The following ANTXR2 variants were observed in gnomAD, a reference collection of about 807,000 sequenced individuals.
ANTXR2 encodes ANTXR cell adhesion molecule 2, also known as anthrax toxin receptor 2.
A neutral mutation model predicts 73.7 loss-of-function variants in ANTXR2; 44 were observed. That is an observed-to-expected ratio of 0.60 (90% CI 0.47 to 0.77). ANTXR2 has a LOEUF of 0.77. ANTXR2 is among the 30% of genes least tolerant of loss of function. The pLI, the probability that ANTXR2 is intolerant of heterozygous loss-of-function variation, is 0.00. For synonymous variants in ANTXR2, 217 were observed against 205.9 expected (o/e 1.05, Z -0.46); for missense variants, 604 against 592.5 (o/e 1.02, Z -0.20).
chr4:79,934,857 CT>C, intron 16 of ANTXR2, among the ~76,000 whole-genome samples: 1 of 145,614 alleles, frequency 6.9e-6, no homozygotes, highest in East Asian at 2.1e-4. Flanking sequence ...AAAAAAAAAA[CT>C]GTCTACTCAG....
intron 16 of ANTXR2, among the ~76,000 whole-genome samples, chr4:79,962,968 T>C (rs1729200957): frequency 6.6e-6 from 1 of 152,056 alleles, no homozygotes; most frequent in Non-Finnish European, 1.5e-5. Context: ...ATCAATTGAG[T>C]GAAGGTTCCA....
intron 12 of ANTXR2, among the ~76,000 whole-genome samples, chr4:79,995,060 C>G (rs1265351501): frequency 6.6e-6 from 1 of 151,964 alleles, no homozygotes; most frequent in Admixed American, 6.6e-5. Flanking sequence ...AGTAGCCCAC[C>G]AACTCCCTGT....
At chr4:79,930,269 A>G (rs966493401) in intron 16 of ANTXR2, among the ~76,000 whole-genome samples, 10 of 152,192 alleles carry the variant, frequency 6.6e-5, no homozygotes, top group African/African-American at 2.4e-4. Context: ...GATGAATATA[A>G]GATATATTAG....
At chr4:79,966,134 AC>A (rs1729352827) in intron 16 of ANTXR2, among the ~76,000 whole-genome samples, 1 of 150,756 alleles carries the variant, frequency 6.6e-6, no homozygotes, top group African/African-American at 2.4e-5. Context: ...TTAGACACAC[AC>A]ACACACACAC....
intron 11 of ANTXR2, among the ~76,000 whole-genome samples, chr4:80,012,849 T>A (rs1180951309): frequency 6.6e-6 from 1 of 152,190 alleles, no homozygotes. Context: ...TACCTTCTAA[T>A]GTATTTGGAT....
chr4:79,952,433 G>A (rs1040502820), intron 16 of ANTXR2, among the ~76,000 whole-genome samples: 1 of 151,508 alleles, frequency 6.6e-6, no homozygotes, highest in African/African-American at 2.4e-5. Flanking sequence ...TTTTTCTCGA[G>A]AACCTGTTGA....
intron 6 of ANTXR2, among the ~76,000 whole-genome samples, chr4:80,054,720 A>C (rs1253112887): frequency 6.6e-6 from 1 of 151,618 alleles, no homozygotes; most frequent in East Asian, 1.9e-4. Context: ...AAACCCTCAA[A>C]TCTCATGAAA....
intron 3 of ANTXR2, among the ~76,000 whole-genome samples, chr4:80,062,600 T>C (rs1312566398): frequency 6.6e-6 from 1 of 152,190 alleles, no homozygotes; most frequent in Non-Finnish European, 1.5e-5. Flanking sequence ...CAGGAGTAAA[T>C]ACTTGCCTAA....
chr4:79,977,756 C>T (rs1729703157), intron 15 of ANTXR2, 55 bp from the exon 16 acceptor site: 31 of 1,464,996 alleles, frequency 2.1e-5, no homozygotes, highest in Non-Finnish European at 2.9e-5. Flanking sequence ...TCTCTATGTA[C>T]TGAATAAATG....
chr4:79,975,581 C>A (rs1729590604), intron 16 of ANTXR2, among the ~76,000 whole-genome samples: 1 of 152,170 alleles, frequency 6.6e-6, no homozygotes, highest in Non-Finnish European at 1.5e-5. Context: ...CAATACCCAG[C>A]ACTTAATAAG....
At chr4:80,032,187 G>T (rs1474455985) in intron 9 of ANTXR2, among the ~76,000 whole-genome samples, 1 of 151,694 alleles carries the variant, frequency 6.6e-6, no homozygotes, top group Non-Finnish European at 1.5e-5. Context: ...TGAAAAAAAT[G>T]ATTTAGACTA....
At chr4:79,959,249 T>C (rs1410425579) in intron 16 of ANTXR2, among the ~76,000 whole-genome samples, 1 of 152,206 alleles carries the variant, frequency 6.6e-6, no homozygotes, top group East Asian at 1.9e-4. Flanking sequence ...CATTTTTTTG[T>C]ATCATCATCC....
intron 16 of ANTXR2, among the ~76,000 whole-genome samples, chr4:79,908,337 AGT>A (rs1726999780): frequency 6.6e-6 from 1 of 152,130 alleles, no homozygotes; most frequent in Admixed American, 6.6e-5. Context: ...CTGCTCTCAA[AGT>A]GTTTTAGATT....
rs12647691 is a variant in ANTXR2 at position 79,984,836 on chromosome 4, C to G, written c.1069G>C (p.Ala357Pro). 1,190,249 of 1,587,114 alleles carry G rather than the reference C, an allele frequency of 0.75. 447,023 individuals are homozygous for G. Among genetic ancestry groups the G allele is most frequent in the East Asian group, 0.96 (42,118 of 43,920 alleles). Residue 357 changes from alanine to proline, a missense_variant, in exon 13 of 17, where the codon GCC (alanine) becomes CCC (proline). Coordinates refer to ENST00000403729, the MANE Select transcript of ANTXR2 (RefSeq NM_058172.6). ...VVIKDPPPPP[A>P]PAPKEEEEEP... Reference sequence around the variant, plus strand: ...TCACTTACCTCTTTTGGTGCAGGGGCGGGTGGTGGTGGAGGATCCTTAATA... The same window carrying G: ...TCACTTACCTCTTTTGGTGCAGGGGGGGGTGGTGGTGGAGGATCCTTAATA...
At chr4:79,927,923 T>C (rs2109956112) in intron 16 of ANTXR2, among the ~76,000 whole-genome samples, 1 of 152,290 alleles carries the variant, frequency 6.6e-6, no homozygotes, top group East Asian at 1.9e-4. Flanking sequence ...AAATGTAAAA[T>C]GGTGTAGCCA....
At chr4:79,956,838 A>C (rs62298606) in intron 16 of ANTXR2, among the ~76,000 whole-genome samples, 15,054 of 152,088 alleles carry the variant, frequency 0.099, 1,886 homozygotes, top group East Asian at 0.66. Flanking sequence ...TTTTATTCCC[A>C]AGAAGCAAGG....
intron 6 of ANTXR2, 41 bp downstream of exon 6, chr4:80,055,107 TTA>T (rs906586643): frequency 6.7e-7 from 1 of 1,490,982 alleles, no homozygotes; most frequent in African/African-American, 1.4e-5. Context: ...CTTAAGACAA[TTA>T]TGTGGTTCAG....
At chr4:79,946,748 A>C (rs1728531284) in intron 16 of ANTXR2, among the ~76,000 whole-genome samples, 1 of 152,150 alleles carries the variant, frequency 6.6e-6, no homozygotes, top group African/African-American at 2.4e-5. Flanking sequence ...TAAGAAAAAC[A>C]CGAATAGGTG....
intron 10 of ANTXR2, among the ~76,000 whole-genome samples, chr4:80,029,783 G>T (rs1351536348): frequency 6.6e-6 from 1 of 151,646 alleles, no homozygotes; most frequent in Non-Finnish European, 1.5e-5. Context: ...CCAAGCAGAG[G>T]CAACAAGAAG....
Sources: allele counts gnomAD v4.1 joint callset (sites outside exome capture counted in the v4.1 genomes callset), GRCh38; gene constraint gnomAD v4.1.1; transcripts MANE v1.5; gene names NCBI Gene and HGNC (gene_info 2026-07-23, HGNC 2026-07-21).